Variants in AEBP2 observed in about 807,000 individuals in gnomAD.
AEBP2 encodes the protein zinc finger protein AEBP2.
In AEBP2, 10 loss-of-function variants were observed where a neutral mutation model predicts 50.8. The observed-to-expected ratio is 0.20, with a 90% CI of 0.12 to 0.33. The LOEUF (loss-of-function observed/expected upper bound fraction) is 0.33. Ranked by LOEUF, AEBP2 falls within the 10% of genes least tolerant of loss-of-function variation. The probability of loss-of-function intolerance (pLI) is 1.00; values close to 1 mark genes in which losing one functional copy is unlikely to be tolerated. For missense variants in AEBP2, 570 were observed against 688.0 expected (o/e 0.83, Z 1.92); for synonymous variants, 296 against 261.3 (o/e 1.13, Z -1.28).
chr12:19,404,563 G>A (rs2095735073), intron 1 of AEBP2, among the ~76,000 whole-genome samples: 1 of 152,136 alleles, frequency 6.6e-6, no homozygotes, highest in African/African-American at 2.4e-5. Context: ...ACACTATTCT[G>A]TCTTTCCAAG....
rs1213969170 is a variant in AEBP2, at chr12:19,439,545, G to A, written c.-155G>A. 3 of 994,234 alleles carry A rather than the reference G, an allele frequency of 3.0e-6. No homozygotes were observed. Among genetic ancestry groups the A allele is most frequent in the Non-Finnish European group, 4.2e-6 (3 of 715,220 alleles). The allele number at this position is 994,234 out of a possible 1,614,324, so 61.6% of individuals were successfully genotyped here. On this transcript the variant is annotated 5_prime_UTR_variant, in exon 1 of 8. Transcript: ENST00000266508. ...CGCCTGTCCCCGCGCGGGCTCCGTAGCGCGTGTGCAGGCTGACGCAGCTCG... is the reference window on the plus strand; with the variant it reads ...CGCCTGTCCCCGCGCGGGCTCCGTAACGCGTGTGCAGGCTGACGCAGCTCG...
chr12:19,480,801 T>C (rs1484007754), intron 3 of AEBP2, among the ~76,000 whole-genome samples: 1 of 152,198 alleles, frequency 6.6e-6, no homozygotes, highest in East Asian at 1.9e-4. Context: ...TCTCAGTTGT[T>C]CTTTGAGCTT....
At chr12:19,415,790 C>T (rs1299710651) in intron 1 of AEBP2, among the ~76,000 whole-genome samples, 1 of 152,132 alleles carries the variant, frequency 6.6e-6, no homozygotes, top group Non-Finnish European at 1.5e-5. Flanking sequence ...ACACCCATGG[C>T]AATGATGTTT....
intron 1 of AEBP2, among the ~76,000 whole-genome samples, chr12:19,453,276 C>T (rs914639254): frequency 2.0e-5 from 3 of 150,220 alleles, no homozygotes; most frequent in Non-Finnish European, 4.5e-5. Context: ...GCCGACTTAA[C>T]GTACTTTCTT....
At chr12:19,474,980 A>G (rs1948625954) in intron 3 of AEBP2, among the ~76,000 whole-genome samples, 1 of 152,108 alleles carries the variant, frequency 6.6e-6, no homozygotes, top group Admixed American at 6.6e-5. Flanking sequence ...CTTAGTAGAG[A>G]TGGGGTTTCA....
chr12:19,475,318 G>A (rs775967014), intron 3 of AEBP2, among the ~76,000 whole-genome samples: 22 of 149,762 alleles, frequency 1.5e-4, no homozygotes, highest in Admixed American at 4.1e-4. Flanking sequence ...AGAACAAAAC[G>A]ATATTTGATT....
chr12:19,511,741 C>T (rs1232345165), intron 5 of AEBP2, among the ~76,000 whole-genome samples: 2 of 151,428 alleles, frequency 1.3e-5, no homozygotes, highest in Non-Finnish European at 2.9e-5. Flanking sequence ...CTGAAGTGCT[C>T]GAAGGTGTTC....
intron 7 of AEBP2, among the ~76,000 whole-genome samples, chr12:19,515,097 A>C (rs573046408): frequency 1.3e-5 from 2 of 152,334 alleles, no homozygotes; most frequent in Non-Finnish European, 2.9e-5. Context: ...TTATAATAAC[A>C]GACTTTTGTG....
chr12:19,446,575 G>A (rs988734967), intron 1 of AEBP2, among the ~76,000 whole-genome samples: 1 of 151,816 alleles, frequency 6.6e-6, no homozygotes, highest in Non-Finnish European at 1.5e-5. Flanking sequence ...TAAAAATACA[G>A]AAAAAAATTA....
At chr12:19,458,665 TAGAC>T (rs1206479939) in intron 1 of AEBP2, among the ~76,000 whole-genome samples, 1 of 152,186 alleles carries the variant, frequency 6.6e-6, no homozygotes, top group Non-Finnish European at 1.5e-5. Context: ...AAGTACTATG[TAGAC>T]AGACAGATTC....
Position 19,518,320 on chromosome 12 carries a change from A to T in AEBP2, c.*203A>T. Reference sequence around the variant, plus strand: ...AGACTCTTCGGTGGAATATATTAATATATTACTGTATATCCACATTTTCAT... The same window carrying T: ...AGACTCTTCGGTGGAATATATTAATTTATTACTGTATATCCACATTTTCAT... On this transcript the variant is annotated 3_prime_UTR_variant, in exon 8 of 8. Coordinates refer to ENST00000266508, the MANE Select transcript of AEBP2 (RefSeq NM_153207.5). The T allele has an allele frequency of 7.9e-7, 1 of 1,265,214 alleles. No homozygotes were observed. The highest frequency in any genetic ancestry group is 9.9e-7 in the Non-Finnish European group (1 of 1,006,848). The allele number at this position is 1,265,214 out of a possible 1,614,324, so 78.4% of individuals were successfully genotyped here.
At chr12:19,502,913 G>C (rs1949104473) in intron 5 of AEBP2, among the ~76,000 whole-genome samples, 2 of 152,146 alleles carry the variant, frequency 1.3e-5, no homozygotes, top group Non-Finnish European at 2.9e-5. Flanking sequence ...TTCCCAGAGT[G>C]CTGGGATTAA....
At chr12:19,507,689 A>G (rs1408057703) in intron 5 of AEBP2, among the ~76,000 whole-genome samples, 2 of 152,184 alleles carry the variant, frequency 1.3e-5, no homozygotes, top group South Asian at 4.1e-4. Flanking sequence ...GGAAAGTGGA[A>G]GGAAGAGACA....
At chr12:19,494,009 C>G in intron 4 of AEBP2, 23 bp downstream of exon 4, 2 of 1,562,706 alleles carry the variant, frequency 1.3e-6, no homozygotes, top group Non-Finnish European at 1.7e-6. Flanking sequence ...CTGAGAAAAT[C>G]TGGTGTATTT....
chr12:19,514,873 G>T, intron 7 of AEBP2, 89 bp downstream of exon 7: 1 of 943,788 alleles, frequency 1.1e-6, no homozygotes, highest in Non-Finnish European at 1.6e-6. Flanking sequence ...AGTTTTAAGT[G>T]CTGAATTTTA....
chr12:19,421,538 T>C (rs7137396), intron 1 of AEBP2, among the ~76,000 whole-genome samples: 4,842 of 151,182 alleles, frequency 0.032, 80 homozygotes, highest in East Asian at 0.048. Context: ...GGGAGAGTCA[T>C]TTGAGCCCAG....
intron 3 of AEBP2, among the ~76,000 whole-genome samples, chr12:19,488,214 C>A (rs1014233159): frequency 6.6e-6 from 1 of 151,028 alleles, no homozygotes; most frequent in Admixed American, 6.6e-5. Flanking sequence ...ACCTCTGGCT[C>A]CTGGGCTCAG....
chr12:19,439,034 C>G (rs1362205354), upstream of AEBP2, among the ~76,000 whole-genome samples: 3 of 152,184 alleles, frequency 2.0e-5, no homozygotes, highest in African/African-American at 7.2e-5. Context: ...GCTCTGGGTT[C>G]AGGATGTCAA....
At chr12:19,508,590 G>A (rs1033686981) in intron 5 of AEBP2, among the ~76,000 whole-genome samples, 6 of 152,040 alleles carry the variant, frequency 3.9e-5, no homozygotes, top group African/African-American at 1.4e-4. Flanking sequence ...TTTTATTTAA[G>A]CATTATCTTA....
Sources: allele counts gnomAD v4.1 joint callset (sites outside exome capture counted in the v4.1 genomes callset), GRCh38; gene constraint gnomAD v4.1.1; transcripts MANE v1.5; gene names NCBI Gene and HGNC (gene_info 2026-07-23, HGNC 2026-07-21).